The following POM121C variants were observed in gnomAD, a reference collection of about 807,000 sequenced individuals.
POM121C encodes the protein nuclear envelope pore membrane protein POM 121C.
POM121C carries 20 observed loss-of-function variants against 66.4 expected under a neutral mutation model. The ratio of observed to expected loss-of-function variants is 0.30; its 90% CI spans 0.21 to 0.44. The LOEUF (loss-of-function observed/expected upper bound fraction) is 0.44. Ranked by LOEUF, POM121C falls within the 20% of genes least tolerant of loss-of-function variation. POM121C has a pLI of 1.00. For synonymous variants in POM121C, 286 were observed against 528.0 expected, an observed-to-expected ratio of 0.54 and a Z score of 6.28; for missense variants, 580 against 1,225.7, an observed-to-expected ratio of 0.47 and a Z score of 7.87.
chr7:75,421,604 C>T lies in POM121C; in HGVS notation c.2648G>A (p.Gly883Glu). 1 of 1,613,490 alleles carries T rather than the reference C, an allele frequency of 6.2e-7. No individual in the cohort carries two copies. The highest frequency in any genetic ancestry group is 8.5e-7 in the Non-Finnish European group (1 of 1,179,772). ...GSTATSTPFT[G>E]GLGQNALGTT... Reference sequence around the variant, plus strand: ...GCCCAGGGCGTTCTGACCTAAGCCCCCTGTGAAGGGGGTGGAGGTGGCTGT... The same window carrying T: ...GCCCAGGGCGTTCTGACCTAAGCCCTCTGTGAAGGGGGTGGAGGTGGCTGT... Residue 883 changes from glycine to glutamate, a missense_variant, in exon 13 of 15, where the codon GGG becomes GAG. Physicochemically the swap from Gly to Glu is moderately conservative, Grantham distance 98 (BLOSUM62 -2). Coordinates refer to ENST00000615331, the MANE Select transcript of POM121C (RefSeq NM_001099415.3).
intron 7 of POM121C, among the ~76,000 whole-genome samples, chr7:75,430,803 G>A (rs1310687394): frequency 2.0e-5 from 3 of 152,046 alleles, no homozygotes; most frequent in Non-Finnish European, 2.9e-5. Context: ...GAGGCCAGGC[G>A]CGGTGGCTCA....
intron 3 of POM121C, among the ~76,000 whole-genome samples, chr7:75,453,275 T>TAAA (rs587669014): frequency 7.1e-4 from 81 of 114,854 alleles, no homozygotes; most frequent in Non-Finnish European, 1.1e-3. Context: ...TACAAAAAGT[T>TAAA]AAAAAAAAAA....
chr7:75,441,805 C>T (rs1554474056), intron 3 of POM121C, among the ~76,000 whole-genome samples, 158 bp from the exon 4 acceptor site: 2 of 152,042 alleles, frequency 1.3e-5, no homozygotes, highest in Admixed American at 6.6e-5. Context: ...TTCCCCTATT[C>T]CATCTAAGAG....
In POM121C at chr7:75,421,933, C is replaced by T. The variant is rs377477248; in HGVS notation, c.2319G>A (p.Ser773=). The T allele has an allele frequency of 8.0e-5, 129 of 1,613,398 alleles. No individual in the cohort carries two copies. The highest frequency in any genetic ancestry group is 9.5e-5 in the Non-Finnish European group (112 of 1,179,806). ...AAGCCGTGGCTTTCAATCCAAACGC[C>T]GAGTGCGTGGCACCGCCAAAGGTAG... ...IQPTFGGATH[S]AFGLKATASA... Residue 773 remains serine, a synonymous_variant, in exon 13 of 15, where the codon TCG becomes TCA. Transcript: ENST00000615331.
In POM121C at chr7:75,485,847, A is replaced by C. The variant is rs1486555215; in HGVS notation, c.-458+17T>G. On this transcript the variant is annotated intron_variant, in intron 1 of 14. Transcript: ENST00000615331. ...CCCAGGCCCTTCTCGCTCCGGGCCCAAAAACCCAAGACTTACCCTCCTGGG... is the reference window on the plus strand; with the variant it reads ...CCCAGGCCCTTCTCGCTCCGGGCCCCAAAACCCAAGACTTACCCTCCTGGG... The C allele has an allele frequency of 2.2e-5, 11 of 504,406 alleles. No homozygotes were observed. The highest frequency in any genetic ancestry group is 3.9e-5 in the African/African-American group (2 of 51,630). The allele number at this position is 504,406 out of a possible 1,614,324, so 31.2% of individuals were successfully genotyped here. A position where few individuals can be genotyped will look rare whatever the true frequency, so the allele number is the denominator to read the frequency against.
intron 3 of POM121C, among the ~76,000 whole-genome samples, chr7:75,444,928 G>A (rs200431255): frequency 0.13 from 15,002 of 112,108 alleles, no homozygotes; most frequent in Middle Eastern, 0.25. Flanking sequence ...AGCTGAGATC[G>A]CACCACTGCA....
chr7:75,482,717 AAC>A (rs1554480312), intron 1 of POM121C, among the ~76,000 whole-genome samples: 1 of 151,932 alleles, frequency 6.6e-6, no homozygotes, highest in East Asian at 1.9e-4. Context: ...AACAAAACAA[AAC>A]AGACTTCACC....
intron 7 of POM121C, among the ~76,000 whole-genome samples, chr7:75,429,238 T>C (rs1343895479): frequency 6.6e-6 from 1 of 152,212 alleles, no homozygotes; most frequent in Non-Finnish European, 1.5e-5. Flanking sequence ...CTAAAGAACA[T>C]ACAGATTTAG....
chr7:75,474,421 C>A (rs1395964573), intron 3 of POM121C, among the ~76,000 whole-genome samples: 2 of 152,034 alleles, frequency 1.3e-5, no homozygotes, highest in Non-Finnish European at 2.9e-5. Context: ...AACAAACAGC[C>A]CACAACAATT....
chr7:75,446,632 A>G (rs1288081197), intron 3 of POM121C, among the ~76,000 whole-genome samples: 1 of 151,994 alleles, frequency 6.6e-6, no homozygotes, highest in Non-Finnish European at 1.5e-5. Flanking sequence ...CACCTAATGA[A>G]TCATCAAAAC....
In POM121C at chr7:75,463,219, C is replaced by T. The variant is rs369178102; in HGVS notation, c.-152+11485G>A. On this transcript the variant is annotated intron_variant, in intron 3 of 14. Coordinates refer to ENST00000615331, the MANE Select transcript of POM121C (RefSeq NM_001099415.3). ...AATTAGCCAGGTGTGGTGACACAAG[C>T]CTGTAATCCCTGCTACTCAGGATGC... is the stretch of plus-strand genomic sequence containing the variant. Among the ~76,000 whole-genome samples the T allele has an allele frequency of 7.9e-5, 12 of 152,058 alleles. 1 individual carries two copies. The highest frequency in any genetic ancestry group is 2.9e-4 in the African/African-American group (12 of 41,336).
At chr7:75,463,456 T>C (rs1364452440) in intron 3 of POM121C, among the ~76,000 whole-genome samples, 10 of 151,056 alleles carry the variant, frequency 6.6e-5, no homozygotes, top group Non-Finnish European at 8.9e-5. Context: ...TTTCTTTTTT[T>C]TTTTTTTTTT....
At chr7:75,436,249 T>C (rs1321387112) in intron 7 of POM121C, among the ~76,000 whole-genome samples, 1 of 152,194 alleles carries the variant, frequency 6.6e-6, no homozygotes, top group East Asian at 1.9e-4. Flanking sequence ...TCCTAAAACT[T>C]AGACTGTAGT....
intron 3 of POM121C, among the ~76,000 whole-genome samples, chr7:75,447,689 A>C (rs1554474938): frequency 6.6e-6 from 1 of 151,986 alleles, no homozygotes; most frequent in East Asian, 1.9e-4. Flanking sequence ...GAGTTCGAGA[A>C]CAGCCTGGGC....
chr7:75,456,490 T>C (rs2443472), intron 3 of POM121C, among the ~76,000 whole-genome samples: 10,932 of 130,032 alleles, frequency 0.084, no homozygotes, highest in Middle Eastern at 0.14. Context: ...CTGAGGCGAG[T>C]CACAGGGAGA....
rs201189032 is a variant in POM121C at position 75,453,031 on chromosome 7, G to A, written c.-151-11384C>T. Among the ~76,000 whole-genome samples the A allele has an allele frequency of 2.2e-3, 341 of 152,192 alleles. 3 individuals are homozygous for A. Among genetic ancestry groups the A allele is most frequent in the African/African-American group, 7.7e-3 (318 of 41,524 alleles). On this transcript the variant is annotated intron_variant, in intron 3 of 14. Transcript: ENST00000615331. ...CAGAAACAGGTGTGTGCTTCCAGGC[G>A]CACAGACACCAACTGTATGACACCC... is the stretch of plus-strand genomic sequence containing the variant.
intron 3 of POM121C, among the ~76,000 whole-genome samples, chr7:75,467,076 T>G (rs1173362663): frequency 2.6e-5 from 4 of 152,182 alleles, no homozygotes; most frequent in African/African-American, 9.7e-5. Flanking sequence ...TCTGATTCAG[T>G]AGGTTTTGGA....
chr7:75,479,857 TAACAA>T (rs2116547402), intron 1 of POM121C, among the ~76,000 whole-genome samples: 1 of 151,956 alleles, frequency 6.6e-6, no homozygotes, highest in Non-Finnish European at 1.5e-5. Flanking sequence ...CTCACTAAAA[TAACAA>T]AACAGTGTGA....
intron 3 of POM121C, among the ~76,000 whole-genome samples, chr7:75,454,136 T>G (rs1174463459): frequency 6.6e-6 from 1 of 152,108 alleles, no homozygotes; most frequent in Non-Finnish European, 1.5e-5. Context: ...GACCACGCGA[T>G]GGAAGAAGTG....
Sources: allele counts gnomAD v4.1 joint callset (sites outside exome capture counted in the v4.1 genomes callset), GRCh38; gene constraint gnomAD v4.1.1; transcripts MANE v1.5; gene names NCBI Gene and HGNC (gene_info 2026-07-23, HGNC 2026-07-21).